NRTN: variants seen among roughly 807,000 people sequenced by gnomAD.
NRTN encodes neurturin.
In NRTN, 3 loss-of-function variants were observed where a neutral mutation model predicts 7.5. The ratio of observed to expected loss-of-function variants is 0.40; its 90% CI spans 0.18 to 1.03. NRTN has a LOEUF of 1.03. NRTN is among the 50% of genes least tolerant of loss of function. The pLI is 0.34. For missense variants in NRTN, 310 were observed against 307.0 expected (o/e 1.01, Z -0.07); for synonymous variants, 157 against 146.6 (o/e 1.07, Z -0.51).
rs1017583222 is a variant in NRTN, at chr19:5,828,099, G to A, written c.520G>A (p.Val174Met). 1.3e-6 allele frequency: 2 copies of A among 1,499,330 alleles called. No homozygotes were observed. Among genetic ancestry groups the A allele is most frequent in the South Asian group, 1.3e-5 (1 of 79,798 alleles). The allele number at this position is 1,499,330 out of a possible 1,614,324, so 92.9% of individuals were successfully genotyped here. The change falls in exon 3 of 3, where the codon GTG becomes ATG. Residue 174 changes from valine (V) to methionine (M), a missense_variant. Val to Met is a conservative substitution (Grantham distance 21). Transcript: ENST00000303212. ...CCRPTAYEDEVSFLDAHSRYH... is the reference protein window; with the variant it reads ...CCRPTAYEDEMSFLDAHSRYH... ...CCGCCCGACGGCCTACGAGGACGAG[G>A]TGTCCTTCCTGGACGCGCACAGCCG...
chr19:5,824,823 G>C (rs1458709878), intron 2 of NRTN, among the ~76,000 whole-genome samples: 2 of 152,172 alleles, frequency 1.3e-5, no homozygotes, highest in African/African-American at 4.8e-5. Context: ...AAAAAGATGG[G>C]GTGGAGGGAG....
chr19:5,805,684 G>C (rs2056973170), intron 1 of NRTN, among the ~76,000 whole-genome samples: 1 of 152,058 alleles, frequency 6.6e-6, no homozygotes, highest in South Asian at 2.1e-4. Flanking sequence ...CCCGAATCCA[G>C]CCGCGGTGTC....
rs533504972 is a variant in NRTN at position 5,823,750 on chromosome 19, T to C, written c.-398-18T>C. ...GGAATGACCTCTCCTCCTTTCACTC[T>C]TCCCCCTGGCTCCTCAGCTGCAGCC... On this transcript the variant is annotated intron_variant, in intron 1 of 2. Coordinates refer to ENST00000303212, the MANE Select transcript of NRTN (RefSeq NM_004558.5). 4 of 331,916 alleles carry C rather than the reference T, an allele frequency of 1.2e-5. No homozygotes were observed. The highest frequency in any genetic ancestry group is 2.3e-5 in the Non-Finnish European group (4 of 173,154). 20.6% of individuals were successfully genotyped at this position (331,916 alleles called of 1,614,324 possible). A position where few individuals can be genotyped will look rare whatever the true frequency, so the allele number is the denominator to read the frequency against.
chr19:5,823,535 G>A (rs1390396776), intron 1 of NRTN, among the ~76,000 whole-genome samples: 1 of 152,206 alleles, frequency 6.6e-6, no homozygotes, highest in Non-Finnish European at 1.5e-5. Flanking sequence ...TCCATGTCCA[G>A]GGCAGCTCTG....
intron 1 of NRTN, among the ~76,000 whole-genome samples, chr19:5,820,701 A>T (rs553015323): frequency 7.6e-6 from 1 of 132,320 alleles, no homozygotes; most frequent in African/African-American, 2.9e-5. Context: ...TGTGCTCCAC[A>T]CTCCAGCCTG....
chr19:5,825,736 A>G (rs1455243267), intron 2 of NRTN, among the ~76,000 whole-genome samples: 1 of 152,166 alleles, frequency 6.6e-6, no homozygotes, highest in Admixed American at 6.5e-5. Context: ...CCAAGTCCCC[A>G]TGTTCTAGGC....
At chr19:5,818,435 C>G (rs762102162) in intron 1 of NRTN, among the ~76,000 whole-genome samples, 1 of 152,028 alleles carries the variant, frequency 6.6e-6, no homozygotes, top group Non-Finnish European at 1.5e-5. Context: ...AGTGGGCACA[C>G]AAGTGTAAGC....
At chr19:5,810,265 C>CA (rs756539290) in intron 1 of NRTN, among the ~76,000 whole-genome samples, 8,822 of 89,510 alleles carry the variant, frequency 0.099, 592 homozygotes, top group East Asian at 0.45. Flanking sequence ...GACTCTGTCT[C>CA]AAAAAAAAAA....
chr19:5,822,794 A>ACAACCTGGGCTCAAC (rs1183109932), intron 1 of NRTN, among the ~76,000 whole-genome samples: 1 of 152,150 alleles, frequency 6.6e-6, no homozygotes, highest in African/African-American at 2.4e-5. Context: ...TGAGCCCAGG[A>ACAACCTGGGCTCAAC]GTTTGAGACC....
Position 5,805,348 on chromosome 19 carries a change from C to G in NRTN, c.-502C>G, listed in dbSNP as rs1183972568. On this transcript the variant is annotated 5_prime_UTR_variant, in exon 1 of 3. Transcript: ENST00000303212. ...CCGCCCCCTCCGGCCCGGGCCCCCC[C>G]CGGGCACCGCGGGCCCAGGCGGCCC... Among the ~76,000 whole-genome samples, 1 of 146,314 alleles carries G rather than the reference C, an allele frequency of 6.8e-6. No individual in the cohort carries two copies. The highest frequency in any genetic ancestry group is 6.8e-5 in the Admixed American group (1 of 14,752).
chr19:5,824,163 A>C lies in NRTN; in HGVS notation c.-3A>C. 6.2e-7 allele frequency: 1 copy of C among 1,607,008 alleles called. No homozygotes were observed. The highest frequency in any genetic ancestry group is 1.3e-5 in the African/African-American group (1 of 75,026). ...CTGACCATCCCGTGCCCGCAGGCTG[A>C]GGATGCAGCGCTGGAAGGCGGCGGC... On this transcript the variant is annotated 5_prime_UTR_variant, in exon 2 of 3. Transcript: ENST00000303212.
chr19:5,810,082 G>A (rs1262829569), intron 1 of NRTN, among the ~76,000 whole-genome samples: 1 of 151,568 alleles, frequency 6.6e-6, no homozygotes, highest in Non-Finnish European at 1.5e-5. Flanking sequence ...TAGCTAACAT[G>A]GCGAAACCCC....
intron 1 of NRTN, among the ~76,000 whole-genome samples, chr19:5,821,659 A>ATGAGCGCCTACTC (rs1568399157): frequency 6.7e-6 from 1 of 148,940 alleles, no homozygotes; most frequent in Non-Finnish European, 1.5e-5. Flanking sequence ...GCAAATGTCT[A>ATGAGCGCCTACTC]TGAGCGCCTA....
At chr19:5,822,861 A>C (rs377456039) in intron 1 of NRTN, among the ~76,000 whole-genome samples, 20 of 152,140 alleles carry the variant, frequency 1.3e-4, no homozygotes, top group African/African-American at 4.8e-4. Flanking sequence ...AAAACAAAAA[A>C]AATTAAAAAT....
At chr19:5,814,979 GGCACCTGGGATCCC>G (rs2057000505) in intron 1 of NRTN, among the ~76,000 whole-genome samples, 1 of 152,220 alleles carries the variant, frequency 6.6e-6, no homozygotes, top group South Asian at 2.1e-4. Flanking sequence ...CAATGTAGAC[GGCACCTGGGATCCC>G]TGCAGGGGTG....
chr19:5,827,851 G>A lies in NRTN; in HGVS notation c.272G>A (p.Arg91Gln). Residue 91 changes from arginine (R) to glutamine (Q), a missense_variant, in exon 3 of 3, where the codon CGG (arginine) becomes CAG (glutamine). Arg to Gln is a conservative substitution (Grantham distance 43). Coordinates refer to ENST00000303212, the MANE Select transcript of NRTN (RefSeq NM_004558.5). ...CCGCGCCGTCGGGCGGGGCCCCGGC[G>A]GCGGCGCGCGCGTGCGCGGTTGGGG... is the stretch of plus-strand genomic sequence containing the variant. ...PGPRRRAGPR[R>Q]RRARARLGAR... 1.4e-5 allele frequency: 16 copies of A among 1,177,716 alleles called. 1 individual carries two copies. Among genetic ancestry groups the A allele is most frequent in the Non-Finnish European group, 1.5e-5 (14 of 956,582 alleles). 73.0% of individuals were successfully genotyped at this position (1,177,716 alleles called of 1,614,324 possible).
Position 5,827,769 on chromosome 19 carries a change from G to T in NRTN, c.190G>T (p.Ala64Ser), listed in dbSNP as rs1441768432. ...LAQYRALLQG[A>S]PDAMELRELT... ...CGCAGACCGTGCACTCCTGCAGGGG[G>T]CCCCGGATGCGATGGAGCTGCGCGA... The change falls in exon 3 of 3, where the codon GCC becomes TCC. Residue 64 changes from alanine (A) to serine (S), a missense_variant. Coordinates refer to ENST00000303212, the MANE Select transcript of NRTN (RefSeq NM_004558.5). The T allele has an allele frequency of 3.3e-6, 4 of 1,224,370 alleles. No homozygotes were observed. Among genetic ancestry groups the T allele is most frequent in the Non-Finnish European group, 4.1e-6 (4 of 980,054 alleles). The allele number at this position is 1,224,370 out of a possible 1,614,324, so 75.8% of individuals were successfully genotyped here.
chr19:5,805,265 G>T lies in NRTN; in HGVS notation c.-585G>T, dbSNP rs978836993. Among the ~76,000 whole-genome samples, 1 of 107,532 alleles carries T rather than the reference G, an allele frequency of 9.3e-6. No individual in the cohort carries two copies. Among genetic ancestry groups the T allele is most frequent in the Non-Finnish European group, 1.9e-5 (1 of 51,726 alleles). 70.5% of individuals were successfully genotyped at this position (107,532 alleles called of 152,430 possible). On this transcript the variant is annotated 5_prime_UTR_variant, in exon 1 of 3. Coordinates refer to ENST00000303212, the MANE Select transcript of NRTN (RefSeq NM_004558.5). ...CGCCGGCCCGGGATGGCCGCAGCCC[G>T]CGGCTAAGCGAGCCCGGGGGGCCCC... is the stretch of plus-strand genomic sequence containing the variant.
intron 1 of NRTN, among the ~76,000 whole-genome samples, chr19:5,808,723 G>A (rs1033735117): frequency 2.7e-5 from 4 of 149,860 alleles, no homozygotes; most frequent in Non-Finnish European, 3.0e-5. Flanking sequence ...AGCTCCCTCC[G>A]CCTGGAACAC....
Sources: allele counts gnomAD v4.1 joint callset (sites outside exome capture counted in the v4.1 genomes callset), GRCh38; gene constraint gnomAD v4.1.1; transcripts MANE v1.5; gene names NCBI Gene and HGNC (gene_info 2026-07-23, HGNC 2026-07-21).